Variants in ST8SIA5 observed in about 807,000 individuals in gnomAD.
ST8SIA5 encodes the protein ST8 alpha-N-acetyl-neuraminide alpha-2,8-sialyltransferase 5, also known as alpha-2,8-sialyltransferase 8E.
ST8SIA5 carries 24 observed loss-of-function variants against 40.2 expected under a neutral mutation model. That is an observed-to-expected ratio of 0.60 (90% CI 0.43 to 0.84). The LOEUF is 0.84. Ranked by LOEUF, ST8SIA5 falls within the 40% of genes least tolerant of loss-of-function variation. The pLI is 0.00. For missense variants in ST8SIA5, 465 were observed against 498.5 expected (o/e 0.93, Z 0.64); for synonymous variants, 198 against 201.8 (o/e 0.98, Z 0.16).
chr18:46,727,177 C>T lies in ST8SIA5; in HGVS notation c.132-22513G>A, dbSNP rs143070003. 7.9e-5 allele frequency among the ~76,000 whole-genome samples: 12 copies of T among 152,330 alleles called. No individual in the cohort carries two copies. In the East Asian group the frequency reaches 2.3e-3, roughly 29 times the overall value. ...TCAAGCACTGAAAAGTGTGTGGTGC[C>T]ACCTCACGCCCATACTTACTCAAAA... On this transcript the variant is annotated intron_variant, in intron 1 of 6. Transcript: ENST00000315087.
In ST8SIA5 at chr18:46,672,877, A is replaced by G. The variant is rs1236259205; in HGVS notation, c.*7165T>C. The G allele has an allele frequency of 2.6e-5, 4 of 152,246 alleles. No homozygotes were observed. Among genetic ancestry groups the G allele is most frequent in the African/African-American group, 9.6e-5 (4 of 41,462 alleles). The allele number at this position is 152,246 out of a possible 1,614,324, so 9.4% of individuals were successfully genotyped here. ...AAAATCAGATTTCTGCTTTAGGGAC[A>G]CCCAAAACAGTTAATGTCATTTGAG... is the stretch of plus-strand genomic sequence containing the variant. On this transcript the variant is annotated 3_prime_UTR_variant, in exon 7 of 7. Transcript: ENST00000315087.
intron 2 of ST8SIA5, among the ~76,000 whole-genome samples, chr18:46,693,653 A>T (rs1382667207): frequency 6.6e-6 from 1 of 152,224 alleles, no homozygotes; most frequent in Non-Finnish European, 1.5e-5. Context: ...AGCTTCTAGA[A>T]CAGTGCTTAG....
rs115110192 is a variant in ST8SIA5 at position 46,727,937 on chromosome 18, C to T, written c.132-23273G>A. The stretch of plus-strand genomic sequence containing the variant: ...CAAACCATGCATGGGTGTGGTGGCT[C>T]ACGCCTGTAAGCATTTTGGGAGGCC... On this transcript the variant is annotated intron_variant, in intron 1 of 6. Coordinates refer to ENST00000315087, the MANE Select transcript of ST8SIA5 (RefSeq NM_013305.6). Among the ~76,000 whole-genome samples the T allele has an allele frequency of 9.4e-3, 1,438 of 152,276 alleles. 21 individuals are homozygous for T. Among genetic ancestry groups the T allele is most frequent in the African/African-American group, 0.029 (1,193 of 41,550 alleles).
intron 1 of ST8SIA5, among the ~76,000 whole-genome samples, chr18:46,755,408 G>C (rs533132647): frequency 1.4e-4 from 21 of 152,292 alleles, no homozygotes; most frequent in African/African-American, 5.1e-4. Flanking sequence ...AGAGTAGGGA[G>C]ACACTAGCAG....
At chr18:46,729,092 A>G (rs1316435649) in intron 1 of ST8SIA5, among the ~76,000 whole-genome samples, 1 of 152,004 alleles carries the variant, frequency 6.6e-6, no homozygotes, top group Non-Finnish European at 1.5e-5. Flanking sequence ...CTCAACCTCC[A>G]ACGTCCAGCT....
At chr18:46,690,265 G>C (rs113821758) in intron 3 of ST8SIA5, among the ~76,000 whole-genome samples, 1 of 152,128 alleles carries the variant, frequency 6.6e-6, no homozygotes, top group Non-Finnish European at 1.5e-5. Context: ...CCTGTAATTC[G>C]AAAGCTCATG....
chr18:46,688,009 G>C (rs1323667427), intron 4 of ST8SIA5, among the ~76,000 whole-genome samples: 2 of 152,194 alleles, frequency 1.3e-5, no homozygotes, highest in Non-Finnish European at 2.9e-5. Context: ...CCAACCGTCA[G>C]CCCAGGTGAT....
chr18:46,719,608 A>T (rs372315388), intron 1 of ST8SIA5, among the ~76,000 whole-genome samples: 3 of 152,128 alleles, frequency 2.0e-5, no homozygotes, highest in South Asian at 2.1e-4. Context: ...ATCTGCCAAG[A>T]AACAGCTTCC....
chr18:46,686,330 T>C, intron 4 of ST8SIA5, 44 bp from the exon 5 acceptor site: 11 of 1,507,548 alleles, frequency 7.3e-6, no homozygotes, highest in Non-Finnish European at 9.2e-6. Context: ...AGCCACCCCC[T>C]GCCTCGACCT....
chr18:46,747,406 C>A lies in ST8SIA5; in HGVS notation c.131+8972G>T, dbSNP rs1377689885. 2.0e-5 allele frequency among the ~76,000 whole-genome samples: 3 copies of A among 152,232 alleles called. No individual in the cohort carries two copies. The East Asian group carries it at 5.8e-4, about 29-fold the overall frequency. Reference sequence around the variant, plus strand: ...ACAAACAACCCCACCTAAAAGTGGGCAAAGGATATGAACAGACACTTCTTA... The same window carrying A: ...ACAAACAACCCCACCTAAAAGTGGGAAAAGGATATGAACAGACACTTCTTA... On this transcript the variant is annotated intron_variant, in intron 1 of 6. Coordinates refer to ENST00000315087, the MANE Select transcript of ST8SIA5 (RefSeq NM_013305.6).
chr18:46,718,929 C>T (rs2039822279), intron 1 of ST8SIA5, among the ~76,000 whole-genome samples: 1 of 152,304 alleles, frequency 6.6e-6, no homozygotes, highest in East Asian at 1.9e-4. Context: ...CAGGAGCTGT[C>T]CTGCCCATTT....
At position 46,680,278 on chromosome 18, in the gene ST8SIA5, T is replaced by G. The variant is rs2144455638; in HGVS notation, c.895A>C (p.Ile299Leu). ...WLSLGVRAKR[I>L]STGLILVTAA... ...GTGACCAGAATGAGGCCGGTGCTGA[T>G]GCGCTTGGCGCGCACCCCCAGGCTG... Residue 299 changes from isoleucine (I) to leucine (L), a missense_variant, in exon 7 of 7, where the codon ATC (isoleucine) becomes CTC (leucine). Physicochemically the swap from Ile to Leu is conservative, Grantham distance 5. Coordinates refer to ENST00000315087, the MANE Select transcript of ST8SIA5 (RefSeq NM_013305.6). 6.2e-7 allele frequency: 1 copy of G among 1,614,238 alleles called. No individual in the cohort carries two copies.
Position 46,669,732 on chromosome 18 carries a change from G to GGTA in ST8SIA5, c.*10307_*10309dup, listed in dbSNP as rs2039297561. The stretch of plus-strand genomic sequence containing the variant: ...ACCTGCCCTTTTTTCTTAGGAGAGA[G>GGTA]GTAGCAGGAGAGTCTCCAATGTCAG... On this transcript the variant is annotated 3_prime_UTR_variant, in exon 7 of 7. Coordinates refer to ENST00000315087, the MANE Select transcript of ST8SIA5 (RefSeq NM_013305.6). The GGTA allele has an allele frequency of 6.6e-6, 1 of 152,232 alleles. No individual in the cohort carries two copies. The highest frequency in any genetic ancestry group is 2.4e-5 in the African/African-American group (1 of 41,452). The allele number at this position is 152,232 out of a possible 1,614,324, so 9.4% of individuals were successfully genotyped here.
chr18:46,748,837 T>C (rs2040168546), intron 1 of ST8SIA5, among the ~76,000 whole-genome samples: 1 of 152,010 alleles, frequency 6.6e-6, no homozygotes, highest in Non-Finnish European at 1.5e-5. Flanking sequence ...ACCCTGGCAG[T>C]TCATCAAATG....
chr18:46,733,314 A>G (rs867516315), intron 1 of ST8SIA5, among the ~76,000 whole-genome samples: 11 of 152,238 alleles, frequency 7.2e-5, no homozygotes, highest in Middle Eastern at 3.2e-3. Context: ...GTTAATCAGC[A>G]AATCACTTGC....
chr18:46,736,839 A>G (rs1599146118), intron 1 of ST8SIA5, among the ~76,000 whole-genome samples: 1 of 151,158 alleles, frequency 6.6e-6, no homozygotes, highest in African/African-American at 2.4e-5. Context: ...AACCCCCAGA[A>G]CCCCCACAGT....
chr18:46,705,057 G>A lies in ST8SIA5; in HGVS notation c.132-393C>T, dbSNP rs999244232. On this transcript the variant is annotated intron_variant, in intron 1 of 6. Coordinates refer to ENST00000315087, the MANE Select transcript of ST8SIA5 (RefSeq NM_013305.6). The stretch of plus-strand genomic sequence containing the variant: ...CATTCTGGCGCAGCACTGGGAGTCC[G>A]ACAGTGAGCCTTCAGGCCTCCAACT... Among the ~76,000 whole-genome samples the A allele has an allele frequency of 3.5e-4, 53 of 152,224 alleles. 1 individual carries two copies.
Position 46,670,683 on chromosome 18 carries a change from C to T in ST8SIA5, c.*9359G>A, listed in dbSNP as rs777474448. 5.3e-5 allele frequency: 8 copies of T among 152,148 alleles called. No homozygotes were observed. Among genetic ancestry groups the T allele is most frequent in the Admixed American group, 2.0e-4 (3 of 15,282 alleles). The allele number at this position is 152,148 out of a possible 1,614,324, so 9.4% of individuals were successfully genotyped here. A position where few individuals can be genotyped will look rare whatever the true frequency, so the allele number is the denominator to read the frequency against. On this transcript the variant is annotated 3_prime_UTR_variant, in exon 7 of 7. Transcript: ENST00000315087. ...CTTGAGCTCAAGCGATCTCCCGCCT[C>T]AGCCTCCCAAAATGCTGGGATTACA...
chr18:46,749,939 G>A (rs573820009), intron 1 of ST8SIA5, among the ~76,000 whole-genome samples: 2 of 152,260 alleles, frequency 1.3e-5, no homozygotes, highest in South Asian at 4.2e-4. Context: ...CCCACATGAG[G>A]AAACAAGAAG....
Sources: allele counts gnomAD v4.1 joint callset (sites outside exome capture counted in the v4.1 genomes callset), GRCh38; gene constraint gnomAD v4.1.1; transcripts MANE v1.5; gene names NCBI Gene and HGNC (gene_info 2026-07-23, HGNC 2026-07-21).